Variants in PRKCB observed in about 807,000 individuals in gnomAD.
The protein encoded by PRKCB is protein kinase C beta type.
Under a neutral mutation model 81.5 loss-of-function variants are expected in PRKCB, and 13 were observed. That is an observed-to-expected ratio of 0.16 (90% confidence interval 0.10 to 0.25). The LOEUF is 0.25. Among genes scored for constraint, PRKCB ranks in the 10% least tolerant of loss-of-function variants. The pLI is 1.00. For missense variants in PRKCB, 509 were observed against 875.7 expected (o/e 0.58, Z 5.29); for synonymous variants, 335 against 321.4 (o/e 1.04, Z -0.45).
At chr16:24,019,626 T>C (rs1965332443) in intron 3 of PRKCB, among the ~76,000 whole-genome samples, 1 of 152,064 alleles carries the variant, frequency 6.6e-6, no homozygotes, top group African/African-American at 2.4e-5. Context: ...TAGCTAGGCA[T>C]GGTAGCGTGC....
chr16:23,983,647 C>G (rs1237947984), intron 2 of PRKCB, among the ~76,000 whole-genome samples: 2 of 152,100 alleles, frequency 1.3e-5, no homozygotes, highest in Non-Finnish European at 2.9e-5. Context: ...GTGGTAGACA[C>G]TAGGAGACTA....
At chr16:23,980,319 T>C (rs1964678925) in intron 2 of PRKCB, among the ~76,000 whole-genome samples, 1 of 152,202 alleles carries the variant, frequency 6.6e-6, no homozygotes, top group Admixed American at 6.5e-5. Flanking sequence ...CTTAGGTACT[T>C]GGTAGAGTTT....
chr16:24,120,877 G>GCA (rs1242412269), intron 8 of PRKCB, among the ~76,000 whole-genome samples: 1 of 152,112 alleles, frequency 6.6e-6, no homozygotes, highest in South Asian at 2.1e-4. Flanking sequence ...GGGACTACAG[G>GCA]CACACACCAC....
intron 3 of PRKCB, among the ~76,000 whole-genome samples, chr16:24,007,983 T>C (rs1965149487): frequency 6.7e-6 from 1 of 150,034 alleles, no homozygotes; most frequent in Admixed American, 6.6e-5. Context: ...TCTAGGATTC[T>C]AGGATGTCTT....
chr16:24,185,406 A>C (rs1369403957), intron 14 of PRKCB, 54 bp from the exon 15 acceptor site: 5 of 1,510,362 alleles, frequency 3.3e-6, no homozygotes, highest in Non-Finnish European at 4.6e-6. Flanking sequence ...GAGGGGAGCT[A>C]GGGGGAGGGT....
intron 16 of PRKCB, among the ~76,000 whole-genome samples, chr16:24,204,951 C>G (rs907797172): frequency 6.6e-6 from 1 of 151,896 alleles, no homozygotes; most frequent in African/African-American, 2.4e-5. Flanking sequence ...GAAACCCCGT[C>G]TCTACTAAAA....
chr16:24,218,312 C>G lies in PRKCB; in HGVS notation c.*3496C>G, dbSNP rs77825011. The stretch of plus-strand genomic sequence containing the variant: ...GGCATTCGAGCTTTGTTGTGAACAC[C>G]GGAAGTAACATGCCGAGCGCCTGGG... On this transcript the variant is annotated 3_prime_UTR_variant, in exon 17 of 17. Transcript: ENST00000643927. The G allele has an allele frequency of 1.1e-4, 111 of 985,184 alleles. No homozygotes were observed. In the African/African-American group the frequency reaches 1.9e-3, roughly 16 times the overall value. The allele number at this position is 985,184 out of a possible 1,614,324, so 61.0% of individuals were successfully genotyped here. A position where few individuals can be genotyped will look rare whatever the true frequency, so the allele number is the denominator to read the frequency against.
intron 5 of PRKCB, among the ~76,000 whole-genome samples, chr16:24,080,441 A>G (rs1966235347): frequency 6.6e-6 from 1 of 152,184 alleles, no homozygotes; most frequent in Non-Finnish European, 1.5e-5. Flanking sequence ...CTAGATTCTT[A>G]CTGGGGCAGT....
chr16:23,960,051 G>T lies in PRKCB; in HGVS notation c.206-28457G>T, dbSNP rs1229633841. On this transcript the variant is annotated intron_variant, in intron 2 of 16. Coordinates refer to ENST00000643927, the MANE Select transcript of PRKCB (RefSeq NM_002738.7). ...CGTAGTCCATTCGGTCCATAGGCATGTCAGGCTGTGGAAGCACAGGAGGAG... is the reference window on the plus strand; with the variant it reads ...CGTAGTCCATTCGGTCCATAGGCATTTCAGGCTGTGGAAGCACAGGAGGAG... Among the ~76,000 whole-genome samples, 5 of 152,264 alleles carry T rather than the reference G, an allele frequency of 3.3e-5. No individual in the cohort carries two copies. The South Asian group carries it at 6.2e-4, about 19-fold the overall frequency.
intron 3 of PRKCB, among the ~76,000 whole-genome samples, chr16:24,017,555 C>A (rs371484766): frequency 6.6e-6 from 1 of 151,982 alleles, no homozygotes; most frequent in East Asian, 1.9e-4. Context: ...AAAAGAACAT[C>A]GACAAAATTA....
Position 24,219,002 on chromosome 16 carries a change from G to C in PRKCB, c.*4186G>C, listed in dbSNP as rs543418871. ...CTCATATGTCATATATAGGAGGTGA[G>C]GACTCCAGCTCCACCTGCCCCAGGT... is the stretch of plus-strand genomic sequence containing the variant. On this transcript the variant is annotated 3_prime_UTR_variant, in exon 17 of 17. Transcript: ENST00000643927. The C allele has an allele frequency of 1.0e-5, 10 of 985,206 alleles. 1 individual carries two copies. Among genetic ancestry groups the C allele is most frequent in the Middle Eastern group, 5.2e-4 (1 of 1,914 alleles). 61.0% of individuals were successfully genotyped at this position (985,206 alleles called of 1,614,324 possible).
chr16:24,081,692 G>A (rs1353694290), intron 5 of PRKCB, among the ~76,000 whole-genome samples: 1 of 152,058 alleles, frequency 6.6e-6, no homozygotes, highest in Non-Finnish European at 1.5e-5. Context: ...GGCCAACATG[G>A]TGAAACCCCC....
intron 16 of PRKCB, among the ~76,000 whole-genome samples, chr16:24,194,195 C>T (rs918531074): frequency 6.6e-6 from 1 of 152,100 alleles, no homozygotes; most frequent in African/African-American, 2.4e-5. Context: ...GATGCGATGG[C>T]ATGCACCTGT....
At chr16:23,903,225 G>A (rs1461298247) in intron 2 of PRKCB, among the ~76,000 whole-genome samples, 5 of 151,654 alleles carry the variant, frequency 3.3e-5, no homozygotes, top group Non-Finnish European at 2.9e-5. Context: ...CATGGCCCCA[G>A]GCTTTTGTGA....
intron 2 of PRKCB, among the ~76,000 whole-genome samples, chr16:23,867,875 G>T (rs928407602): frequency 1.3e-5 from 2 of 152,088 alleles, no homozygotes; most frequent in African/African-American, 4.8e-5. Context: ...ACTTCTGCTT[G>T]GTCCCTCTAG....
chr16:23,870,188 C>T (rs1962881420), intron 2 of PRKCB, among the ~76,000 whole-genome samples: 1 of 152,180 alleles, frequency 6.6e-6, no homozygotes, highest in South Asian at 2.1e-4. Context: ...ATACTTTCTC[C>T]TTTGATAAAT....
intron 2 of PRKCB, among the ~76,000 whole-genome samples, chr16:23,900,983 A>T (rs952227184): frequency 1.3e-5 from 2 of 152,050 alleles, no homozygotes; most frequent in African/African-American, 4.8e-5. Flanking sequence ...TGCATTCATC[A>T]TGTGACCCAT....
rs755715113 is a variant in PRKCB, at chr16:24,214,723, C to T, written c.1929C>T (p.Pro643=). 10 of 1,614,028 alleles carry T rather than the reference C, an allele frequency of 6.2e-6. No homozygotes were observed. The highest frequency in any genetic ancestry group is 4.0e-5 in the African/African-American group (3 of 74,908). ...GCCATCCACCAGTCCTAACACCTCC[C>T]GACCAGGAAGTCATCAGGAATATTG... is the stretch of plus-strand genomic sequence containing the variant. ...FTRHPPVLTP[P]DQEVIRNIDQ... The change falls in exon 17 of 17, where the codon CCC becomes CCT. Residue 643 remains proline (P), a synonymous_variant. Coordinates refer to ENST00000643927, the MANE Select transcript of PRKCB (RefSeq NM_002738.7).
chr16:24,129,850 T>C (rs147169735), intron 9 of PRKCB, among the ~76,000 whole-genome samples: 5 of 152,366 alleles, frequency 3.3e-5, no homozygotes, highest in African/African-American at 1.2e-4. Flanking sequence ...AATATACTCA[T>C]GGTCCCTGCT....
Sources: allele counts gnomAD v4.1 joint callset (sites outside exome capture counted in the v4.1 genomes callset), GRCh38; gene constraint gnomAD v4.1.1; transcripts MANE v1.5; gene names NCBI Gene and HGNC (gene_info 2026-07-23, HGNC 2026-07-21).